AGAP1: variants seen among roughly 807,000 people sequenced by gnomAD.
AGAP1 encodes arf-GAP with GTPase, ANK repeat and PH domain-containing protein 1.
AGAP1 carries 29 observed loss-of-function variants against 105.3 expected under a neutral mutation model. The observed-to-expected ratio is 0.28, with a 90% confidence interval of 0.21 to 0.38. AGAP1 has a LOEUF of 0.38. Ranked by LOEUF, AGAP1 falls within the 10% of genes least tolerant of loss-of-function variation. The pLI, the probability that AGAP1 is intolerant of heterozygous loss-of-function variation, is 1.00. For synonymous variants in AGAP1, 509 were observed against 485.9 expected, an observed-to-expected ratio of 1.05 and a Z score of -0.63; for missense variants, 998 against 1,165.1, an observed-to-expected ratio of 0.86 and a Z score of 2.09.
intron 1 of AGAP1, among the ~76,000 whole-genome samples, chr2:235,505,208 T>G (rs368147070): frequency 1.3e-5 from 2 of 152,228 alleles, no homozygotes; most frequent in African/African-American, 4.8e-5. Flanking sequence ...TTTTGTTGTT[T>G]GTAGCAATTA....
At chr2:235,558,558 G>A (rs954941931) in intron 1 of AGAP1, among the ~76,000 whole-genome samples, 12 of 152,032 alleles carry the variant, frequency 7.9e-5, no homozygotes, top group African/African-American at 2.2e-4. Flanking sequence ...CCCTCCAGTC[G>A]TAGCCTTCAG....
Position 235,692,205 on chromosome 2 carries a change from T to C in AGAP1, c.164-16974T>C, listed in dbSNP as rs567788871. 2.0e-5 allele frequency among the ~76,000 whole-genome samples: 3 copies of C among 152,228 alleles called. No individual in the cohort carries two copies. Among genetic ancestry groups the C allele is most frequent in the Admixed American group, 2.0e-4 (3 of 15,304 alleles). ...GATGCCCCTACCTGGCCAGGTCTCG[T>C]CGTGTCTAGGTGGTGACAGCCATGT... On this transcript the variant is annotated intron_variant, in intron 1 of 17. Transcript: ENST00000304032. This position sits in a 1 kb window ranked among gnomAD's most constrained non-coding sequence, Gnocchi z 5.8.
intron 6 of AGAP1, among the ~76,000 whole-genome samples, chr2:235,757,520 A>G (rs1255138987): frequency 6.6e-6 from 1 of 152,198 alleles, no homozygotes; most frequent in African/African-American, 2.4e-5. Flanking sequence ...AGGCAGATCC[A>G]TGTCAGTCCT....
intron 6 of AGAP1, among the ~76,000 whole-genome samples, chr2:235,779,465 C>T (rs890442038): frequency 6.6e-6 from 1 of 152,250 alleles, no homozygotes; most frequent in African/African-American, 2.4e-5. Context: ...CCCCTCCAGG[C>T]TCTTCGAATG....
In AGAP1 at chr2:235,769,568, C is replaced by A. The variant is rs927157248; in HGVS notation, c.673+19080C>A. ...AAAGAAATGCAAACAGTTAGTTGTT[C>A]CGTTCATGCTGTTGCGTGAGATAAG... is the stretch of plus-strand genomic sequence containing the variant. On this transcript the variant is annotated intron_variant, in intron 6 of 17. Coordinates refer to ENST00000304032, the MANE Select transcript of AGAP1 (RefSeq NM_001037131.3). The surrounding 1 kb of genome is among the most constrained non-coding windows in gnomAD (Gnocchi z 4.4). Among the ~76,000 whole-genome samples, 2 of 152,296 alleles carry A rather than the reference C, an allele frequency of 1.3e-5. No homozygotes were observed. Among genetic ancestry groups the A allele is most frequent in the Non-Finnish European group, 2.9e-5 (2 of 68,028 alleles).
chr2:235,505,756 A>G (rs1387278716), intron 1 of AGAP1: 2 of 151,860 alleles, frequency 1.3e-5, no homozygotes, highest in Admixed American at 1.3e-4. Context: ...GGGTACTAGG[A>G]TTGGAGCATC....
chr2:235,778,408 C>T (rs1956043455), intron 6 of AGAP1, among the ~76,000 whole-genome samples: 1 of 152,200 alleles, frequency 6.6e-6, no homozygotes, highest in Admixed American at 6.5e-5. Context: ...CTCAGACCAC[C>T]ACTGTGCTGT....
chr2:235,773,778 A>C (rs934520786), intron 6 of AGAP1: 11 of 370,188 alleles, frequency 3.0e-5, no homozygotes, highest in Non-Finnish European at 4.8e-5. Flanking sequence ...TCTTCGGAGA[A>C]TCACAGTTTA....
In AGAP1 at chr2:236,002,875, T is replaced by C. The variant is rs1450477453; in HGVS notation, c.1646-33686T>C. Among the ~76,000 whole-genome samples, 1 of 152,142 alleles carries C rather than the reference T, an allele frequency of 6.6e-6. No individual in the cohort carries two copies. The highest frequency in any genetic ancestry group is 1.5e-5 in the Non-Finnish European group (1 of 68,030). ...GTGTGATTTGAAAAATGACCAAGTC[T>C]CCTAAGGTGAAGTTTGTGTGTGAAC... On this transcript the variant is annotated intron_variant, in intron 13 of 17. Transcript: ENST00000304032. This position sits in a 1 kb window ranked among gnomAD's most constrained non-coding sequence, Gnocchi z 4.3.
chr2:236,025,471 T>C (rs1173086400), intron 13 of AGAP1, among the ~76,000 whole-genome samples: 1 of 152,210 alleles, frequency 6.6e-6, no homozygotes. Context: ...AATTCTTCTT[T>C]GAACCTTAGG....
At chr2:235,682,490 C>T (rs1559344722) in intron 1 of AGAP1, among the ~76,000 whole-genome samples, 1 of 151,936 alleles carries the variant, frequency 6.6e-6, no homozygotes, top group Non-Finnish European at 1.5e-5. Context: ...TTACAGGTGT[C>T]TGCCACCATG....
In AGAP1 at chr2:235,721,530, G is replaced by A. The variant is rs1007500004; in HGVS notation, c.310+3886G>A. On this transcript the variant is annotated intron_variant, in intron 3 of 17. Transcript: ENST00000304032. This position sits in a 1 kb window ranked among gnomAD's most constrained non-coding sequence, Gnocchi z 4.5. ...ACACCTAGGTGTGTAATATATGTAT[G>A]TGTACTTCAGTCCTAGCACTGTAGT... Among the ~76,000 whole-genome samples, 3 of 151,936 alleles carry A rather than the reference G, an allele frequency of 2.0e-5. No homozygotes were observed. Among genetic ancestry groups the A allele is most frequent in the African/African-American group, 7.3e-5 (3 of 41,306 alleles).
At position 235,687,829 on chromosome 2, in the gene AGAP1, A is replaced by G. The variant is rs1039881649; in HGVS notation, c.164-21350A>G. ...TACTGAGGATTCAGCGCTCTTTGGT[A>G]GAAGGATGTGTTCCTGGATTTTTTT... is the stretch of plus-strand genomic sequence containing the variant. On this transcript the variant is annotated intron_variant, in intron 1 of 17. Transcript: ENST00000304032. Among the ~76,000 whole-genome samples, 6 of 150,224 alleles carry G rather than the reference A, an allele frequency of 4.0e-5. No individual in the cohort carries two copies. The East Asian group carries it at 1.2e-3, about 30-fold the overall frequency.
chr2:236,099,283 T>A (rs1012014867), intron 16 of AGAP1, among the ~76,000 whole-genome samples: 71 of 151,692 alleles, frequency 4.7e-4, no homozygotes, highest in African/African-American at 1.6e-3. Context: ...AAACCCCATC[T>A]CTACTAAAAA....
intron 1 of AGAP1, among the ~76,000 whole-genome samples, chr2:235,522,810 G>A (rs1038797548): frequency 1.3e-5 from 2 of 152,192 alleles, no homozygotes; most frequent in Admixed American, 1.3e-4. Flanking sequence ...GGTGATATCT[G>A]TTTGGTACTG....
rs1041892199 is a variant in AGAP1 at position 235,716,023 on chromosome 2, G to C, written c.223-1534G>C. On this transcript the variant is annotated intron_variant, in intron 2 of 17. Coordinates refer to ENST00000304032, the MANE Select transcript of AGAP1 (RefSeq NM_001037131.3). The surrounding 1 kb of genome is among the most constrained non-coding windows in gnomAD (Gnocchi z 4.0). ...GCTAAGTAGGGGCGCCTGGAGCTGG[G>C]GTGGACGGCGGCCAGGGGATGCGAT... 2.6e-5 allele frequency among the ~76,000 whole-genome samples: 4 copies of C among 152,214 alleles called. No individual in the cohort carries two copies. The highest frequency in any genetic ancestry group is 9.6e-5 in the African/African-American group (4 of 41,460).
chr2:235,881,199 A>G (rs996413336), intron 9 of AGAP1, among the ~76,000 whole-genome samples: 1 of 152,218 alleles, frequency 6.6e-6, no homozygotes, highest in Non-Finnish European at 1.5e-5. Context: ...TAAATAAAAA[A>G]CAGTATTGTC....
At position 235,900,606 on chromosome 2, in the gene AGAP1, C is replaced by T. The variant is rs2051021341; in HGVS notation, c.1156-8132C>T. Among the ~76,000 whole-genome samples, 1 of 152,066 alleles carries T rather than the reference C, an allele frequency of 6.6e-6. No individual in the cohort carries two copies. The highest frequency in any genetic ancestry group is 2.1e-4 in the South Asian group (1 of 4,812). ...GGACACTGATTCAGAGCATACACAG[C>T]CTTCTGGAGAACTTTGCCTCAGCCC... On this transcript the variant is annotated intron_variant, in intron 10 of 17. Transcript: ENST00000304032. The surrounding 1 kb of genome is among the most constrained non-coding windows in gnomAD (Gnocchi z 5.5).
At chr2:235,757,871 GTGCAACCTAAT>G (rs1370529991) in intron 6 of AGAP1, among the ~76,000 whole-genome samples, 1 of 152,186 alleles carries the variant, frequency 6.6e-6, no homozygotes, top group Non-Finnish European at 1.5e-5. Flanking sequence ...GAGTCCGTTT[GTGCAACCTAAT>G]TGCACGCACT....
Sources: allele counts gnomAD v4.1 joint callset (sites outside exome capture counted in the v4.1 genomes callset), GRCh38; gene constraint gnomAD v4.1.1; non-coding constraint Gnocchi (gnomAD v3.1); transcripts MANE v1.5; gene names NCBI Gene and HGNC (gene_info 2026-07-23, HGNC 2026-07-21).